Variants in B3GLCT observed in about 807,000 individuals in gnomAD.
The protein encoded by B3GLCT is beta 3-glucosyltransferase.
In B3GLCT, 65 loss-of-function variants were observed where a neutral mutation model predicts 63.4. The observed-to-expected ratio is 1.03, with a 90% CI of 0.84 to 1.26. B3GLCT has a LOEUF of 1.26. Ranked by LOEUF, B3GLCT falls within the 50% of genes most tolerant of loss-of-function variation. The pLI is 0.00. For synonymous variants in B3GLCT, 233 were observed against 219.2 expected (o/e 1.06, Z -0.55); for missense variants, 577 against 604.8 (o/e 0.95, Z 0.48).
intron 7 of B3GLCT, among the ~76,000 whole-genome samples, chr13:31,261,300 A>AT (rs1390089154): frequency 6.6e-6 from 1 of 152,180 alleles, no homozygotes; most frequent in Non-Finnish European, 1.5e-5. Flanking sequence ...ACCTCTCTGT[A>AT]TTTCTTCTCA....
intron 2 of B3GLCT, among the ~76,000 whole-genome samples, chr13:31,222,074 ATTTTTT>A (rs5802597): frequency 3.2e-5 from 3 of 92,950 alleles, no homozygotes; most frequent in African/African-American, 1.3e-4. Flanking sequence ...TGTGCTCCTG[ATTTTTT>A]TTTTTTTTTT....
At chr13:31,203,851 A>C (rs1336520461) in intron 1 of B3GLCT, among the ~76,000 whole-genome samples, 2 of 152,202 alleles carry the variant, frequency 1.3e-5, no homozygotes, top group Non-Finnish European at 2.9e-5. Flanking sequence ...CTAGTCACTA[A>C]GCAACTCCCA....
In B3GLCT at chr13:31,243,163, G is replaced by A. The variant is rs553798458; in HGVS notation, c.271-3860G>A. Reference sequence around the variant, plus strand: ...GGAATTTAGACAAACAGTTGAAATGGAATCAGTCTTAAAAGTTCAGTTTTT... The same window carrying A: ...GGAATTTAGACAAACAGTTGAAATGAAATCAGTCTTAAAAGTTCAGTTTTT... On this transcript the variant is annotated intron_variant, in intron 4 of 14. Coordinates refer to ENST00000343307, the MANE Select transcript of B3GLCT (RefSeq NM_194318.4). 6.6e-5 allele frequency among the ~76,000 whole-genome samples: 10 copies of A among 152,324 alleles called. No homozygotes were observed. In the South Asian group the frequency reaches 2.1e-3, roughly 32 times the overall value.
chr13:31,230,630 G>A (rs1452072641), intron 4 of B3GLCT, among the ~76,000 whole-genome samples: 2 of 152,296 alleles, frequency 1.3e-5, no homozygotes, highest in South Asian at 2.1e-4. Flanking sequence ...TTGAAACATC[G>A]TACTTTCTCA....
intron 6 of B3GLCT, among the ~76,000 whole-genome samples, chr13:31,253,561 A>G (rs1187699312): frequency 8.0e-6 from 1 of 124,854 alleles, no homozygotes; most frequent in African/African-American, 3.1e-5. Flanking sequence ...GTGCCACTGC[A>G]CTCCAGCCTG....
chr13:31,225,157 G>T (rs773647413), intron 3 of B3GLCT, among the ~76,000 whole-genome samples: 1 of 152,178 alleles, frequency 6.6e-6, no homozygotes, highest in Non-Finnish European at 1.5e-5. Flanking sequence ...GGCACTTAGT[G>T]TGCGGCCCAT....
intron 1 of B3GLCT, among the ~76,000 whole-genome samples, chr13:31,203,037 A>G (rs1868763600): frequency 6.6e-6 from 1 of 152,226 alleles, no homozygotes; most frequent in African/African-American, 2.4e-5. Flanking sequence ...TGATAAAATA[A>G]TAGGTATTAG....
At chr13:31,318,374 C>T (rs903326803) in intron 13 of B3GLCT, among the ~76,000 whole-genome samples, 2 of 152,156 alleles carry the variant, frequency 1.3e-5, no homozygotes, top group African/African-American at 4.8e-5. Flanking sequence ...ATGGATTATA[C>T]ACTTCTGGAG....
intron 2 of B3GLCT, among the ~76,000 whole-genome samples, chr13:31,220,899 A>T (rs145557318): frequency 6.6e-6 from 1 of 152,296 alleles, no homozygotes; most frequent in East Asian, 1.9e-4. Context: ...GATATTTTTC[A>T]TCTTTTAACT....
chr13:31,203,006 G>A (rs1204053751), intron 1 of B3GLCT, among the ~76,000 whole-genome samples: 1 of 152,150 alleles, frequency 6.6e-6, no homozygotes, highest in Non-Finnish European at 1.5e-5. Flanking sequence ...GATAGAAGAA[G>A]CTTATTCGAA....
chr13:31,276,298 A>T (rs1872780347), intron 9 of B3GLCT, among the ~76,000 whole-genome samples: 1 of 152,066 alleles, frequency 6.6e-6, no homozygotes, highest in Non-Finnish European at 1.5e-5. Flanking sequence ...AATCCCCCCT[A>T]TTTCTCTCTT....
At chr13:31,201,458 G>C (rs1208130025) in intron 1 of B3GLCT, among the ~76,000 whole-genome samples, 4 of 152,202 alleles carry the variant, frequency 2.6e-5, no homozygotes, top group Non-Finnish European at 5.9e-5. Context: ...GTCTTGGGGA[G>C]CGACTGAATT....
At chr13:31,232,516 A>C (rs976072805) in intron 4 of B3GLCT, among the ~76,000 whole-genome samples, 3 of 152,220 alleles carry the variant, frequency 2.0e-5, no homozygotes, top group Non-Finnish European at 2.9e-5. Context: ...ATGTTAAACC[A>C]TGAGAAACTG....
chr13:31,309,163 A>G (rs1368641356), intron 12 of B3GLCT, among the ~76,000 whole-genome samples: 1 of 152,034 alleles, frequency 6.6e-6, no homozygotes, highest in African/African-American at 2.4e-5. Context: ...CCAGGCTTTT[A>G]TCCTTTCTCT....
intron 14 of B3GLCT, among the ~76,000 whole-genome samples, chr13:31,324,776 C>G (rs954304149): frequency 6.6e-6 from 1 of 152,106 alleles, no homozygotes; most frequent in African/African-American, 2.4e-5. Context: ...TGCAACGTGG[C>G]TCACTGCAGA....
chr13:31,284,316 C>T (rs902743106), intron 10 of B3GLCT, among the ~76,000 whole-genome samples: 4 of 152,180 alleles, frequency 2.6e-5, no homozygotes, highest in African/African-American at 9.6e-5. Flanking sequence ...TTTTCTCTTA[C>T]CGTGCTCCGT....
In B3GLCT at chr13:31,244,901, CTTTGTATTTTTGAG is replaced by C. The variant is rs1871125689; in HGVS notation, c.271-2120_271-2107del. Reference sequence around the variant, plus strand: ...TTTCTGAGTGCCAAAGTAGCACCTACTTTGTATTTTTGAGTACTCACCTTTGGAGAGTGTTATTA... The same window carrying C: ...TTTCTGAGTGCCAAAGTAGCACCTACTACTCACCTTTGGAGAGTGTTATTA... On this transcript the variant is annotated intron_variant, in intron 4 of 14. Transcript: ENST00000343307. 7.2e-5 allele frequency among the ~76,000 whole-genome samples: 11 copies of C among 152,188 alleles called. No individual in the cohort carries two copies. The South Asian group carries it at 2.3e-3, about 32-fold the overall frequency.
intron 6 of B3GLCT, among the ~76,000 whole-genome samples, chr13:31,258,719 A>G (rs1282880311): frequency 6.6e-6 from 1 of 152,022 alleles, no homozygotes; most frequent in African/African-American, 2.4e-5. Flanking sequence ...CTTTTAGGAT[A>G]TTCTCTATCT....
intron 12 of B3GLCT, among the ~76,000 whole-genome samples, chr13:31,309,360 C>T (rs2137919467): frequency 6.6e-6 from 1 of 152,344 alleles, no homozygotes; most frequent in South Asian, 2.1e-4. Context: ...AAGCAGTCCT[C>T]TTCCTGCTGG....
Sources: gnomAD v4.1 joint callset for allele counts (sites outside exome capture counted in the v4.1 genomes callset) on GRCh38, gnomAD v4.1.1 for gene constraint, MANE v1.5 for transcripts, NCBI Gene and HGNC (gene_info 2026-07-23, HGNC 2026-07-21) for gene names.